CLIP1: variants seen among roughly 807,000 people sequenced by gnomAD.
The protein encoded by CLIP1 is CAP-Gly domain-containing linker protein 1.
CLIP1 carries 66 observed loss-of-function variants against 161.6 expected under a neutral mutation model. The ratio of observed to expected loss-of-function variants is 0.41; its 90% CI spans 0.33 to 0.50. CLIP1 has a LOEUF of 0.50. Ranked by LOEUF, CLIP1 falls within the 20% of genes least tolerant of loss-of-function variation. The pLI is 0.27. For synonymous variants in CLIP1, 598 were observed against 626.2 expected (o/e 0.96, Z 0.67); for missense variants, 1,376 against 1,702.0 (o/e 0.81, Z 3.37).
intron 1 of CLIP1, chr12:122,399,967 G>A (rs1189991040): frequency 6.6e-6 from 1 of 152,186 alleles, no homozygotes; most frequent in African/African-American, 2.4e-5. Context: ...CAAAGGCTAT[G>A]TTCTCATATC....
At chr12:122,408,224 C>T (rs1444073786) in intron 1 of CLIP1, among the ~76,000 whole-genome samples, 3 of 142,678 alleles carry the variant, frequency 2.1e-5, no homozygotes, top group Admixed American at 7.0e-5. Context: ...AATGATACTC[C>T]GTCTCAAAAA....
At chr12:122,326,697 G>C (rs901503153) in intron 17 of CLIP1, among the ~76,000 whole-genome samples, 1 of 152,092 alleles carries the variant, frequency 6.6e-6, no homozygotes. Flanking sequence ...AACAACAACC[G>C]AGGAGACCTT....
chr12:122,417,510 CTTTTTT>C (rs35179677), intron 1 of CLIP1, among the ~76,000 whole-genome samples: 3 of 104,800 alleles, frequency 2.9e-5, no homozygotes, highest in Admixed American at 1.1e-4. Flanking sequence ...ATTATTCTGC[CTTTTTT>C]TTTTTTTTTT....
chr12:122,373,013 T>C (rs1954531067), intron 3 of CLIP1, among the ~76,000 whole-genome samples: 1 of 152,164 alleles, frequency 6.6e-6, no homozygotes, highest in Non-Finnish European at 1.5e-5. Context: ...GTGCAGCGTA[T>C]ACTGCTCGGA....
chr12:122,274,541 G>GTT (rs140034285), intron 24 of CLIP1: 62 of 144,830 alleles, frequency 4.3e-4, no homozygotes, highest in South Asian at 6.3e-4. Context: ...GTTTTGTTTT[G>GTT]TTTTTTTTTT....
rs1189771136 is a variant in CLIP1 at position 122,340,783 on chromosome 12, T to G, written c.2421A>C (p.Leu807Phe). Residue 807 changes from leucine (L) to phenylalanine (F), a missense_variant, in exon 11 of 26, where the codon TTA becomes TTC. Leu to Phe is a conservative substitution (Grantham distance 22, BLOSUM62 0). Around this residue, in one of 6 missense-constraint regions of CLIP1, gnomAD observed 948 missense variants for 1,134.8 expected, o/e 0.84. Coordinates refer to ENST00000620786, the MANE Select transcript of CLIP1 (RefSeq NM_001247997.2). ...LEAAEKQIKH[L>F]EIEKNAESSK... ...TACTTTCAGCATTCTTTTCAATCTC[T>G]AAATGTTTAATCTGTTTCTCAGCTG... 15 of 1,598,004 alleles carry G rather than the reference T, an allele frequency of 9.4e-6. No individual in the cohort carries two copies. The highest frequency in any genetic ancestry group is 1.3e-5 in the Non-Finnish European group (15 of 1,173,054).
chr12:122,363,543 C>T lies in CLIP1; in HGVS notation c.782+440G>A, dbSNP rs367994190. On this transcript the variant is annotated intron_variant, in intron 4 of 25. Coordinates refer to ENST00000620786, the MANE Select transcript of CLIP1 (RefSeq NM_001247997.2). ...GGTTATCCTTACGATGGAAGAGGTC[C>T]GCTTGGCGGTCTGTTCTCCTGCCGC... Among the ~76,000 whole-genome samples, 33 of 151,854 alleles carry T rather than the reference C, an allele frequency of 2.2e-4. 1 individual carries two copies. In the East Asian group the frequency reaches 2.7e-3, roughly 12 times the overall value.
chr12:122,273,047 C>T lies in CLIP1; in HGVS notation c.4145G>A (p.Cys1382Tyr). The T allele has an allele frequency of 6.2e-7, 1 of 1,614,172 alleles. No individual in the cohort carries two copies. Among genetic ancestry groups the T allele is most frequent in the Non-Finnish European group, 8.5e-7 (1 of 1,180,034 alleles). ...KKKPRLFCDI[C>Y]DCFDLHDTED... ...TGTGTCGTGGAGATCAAAGCAGTCACAAATGTCACAGAAGAGGCGAGGTTT... is the reference window on the plus strand; with the variant it reads ...TGTGTCGTGGAGATCAAAGCAGTCATAAATGTCACAGAAGAGGCGAGGTTT... Residue 1382 changes from cysteine to tyrosine, a missense_variant, in exon 26 of 26, where the codon TGT (cysteine) becomes TAT (tyrosine). By Grantham distance (194) the Cys-to-Tyr change is radical. Transcript: ENST00000620786.
chr12:122,421,342 C>T (rs916017611), intron 1 of CLIP1, among the ~76,000 whole-genome samples: 1 of 151,972 alleles, frequency 6.6e-6, no homozygotes, highest in Non-Finnish European at 1.5e-5. Context: ...ATCTAAAAGT[C>T]AAACAAACAC....
At chr12:122,372,726 A>T (rs1954517994) in intron 3 of CLIP1, among the ~76,000 whole-genome samples, 1 of 152,216 alleles carries the variant, frequency 6.6e-6, no homozygotes, top group Non-Finnish European at 1.5e-5. Flanking sequence ...GGGGCTTTTA[A>T]CTAAATGTGA....
Position 122,279,210 on chromosome 12 carries a change from C to G in CLIP1, c.3648-65G>C, listed in dbSNP as rs36024001. On this transcript the variant is annotated intron_variant, in intron 21 of 25. Coordinates refer to ENST00000620786, the MANE Select transcript of CLIP1 (RefSeq NM_001247997.2). The surrounding 1 kb of genome is among the most constrained non-coding windows in gnomAD (Gnocchi z 4.5). ...AAAGACTGGTCAGTGTACAACTGTT[C>G]TAGAACAAACACATAATTAATGTTA... 2.0e-6 allele frequency: 2 copies of G among 990,256 alleles called. No individual in the cohort carries two copies. The highest frequency in any genetic ancestry group is 1.7e-5 in the South Asian group (1 of 58,894). The allele number at this position is 990,256 out of a possible 1,614,324, so 61.3% of individuals were successfully genotyped here.
At position 122,336,257 on chromosome 12, in the gene CLIP1, AT is replaced by A. The variant is rs561079135; in HGVS notation, c.2568+374del. Among the ~76,000 whole-genome samples the A allele has an allele frequency of 3.9e-5, 6 of 152,114 alleles. No homozygotes were observed. In the East Asian group the frequency reaches 1.2e-3, roughly 29 times the overall value. ...GCCCAGTACAGCTACTGCCCTGATA[AT>A]CACAGTTTAGGGGCCTCATTCAATA... On this transcript the variant is annotated intron_variant, in intron 12 of 25. Coordinates refer to ENST00000620786, the MANE Select transcript of CLIP1 (RefSeq NM_001247997.2).
chr12:122,358,172 G>A (rs1325930300), intron 5 of CLIP1, among the ~76,000 whole-genome samples: 1 of 151,666 alleles, frequency 6.6e-6, no homozygotes, highest in Non-Finnish European at 1.5e-5. Context: ...CATGTGCTGT[G>A]TCCACTCAGG....
intron 21 of CLIP1, chr12:122,280,675 C>G (rs1043188483): frequency 2.0e-5 from 3 of 152,178 alleles, no homozygotes; most frequent in Admixed American, 6.6e-5. Flanking sequence ...TCTGTGAGAA[C>G]TGGATGCACT....
At chr12:122,303,971 G>A (rs1016089792) in intron 20 of CLIP1, among the ~76,000 whole-genome samples, 6 of 152,294 alleles carry the variant, frequency 3.9e-5, no homozygotes, top group Non-Finnish European at 5.9e-5. Flanking sequence ...GGCCAGCTCC[G>A]TGCAGACGTT....
At chr12:122,330,079 C>T (rs912439690) in intron 15 of CLIP1, among the ~76,000 whole-genome samples, 3 of 151,544 alleles carry the variant, frequency 2.0e-5, no homozygotes, top group Admixed American at 2.0e-4. Context: ...ATCACACCAT[C>T]GCACTCCAGC....
chr12:122,394,195 A>G (rs528190710), intron 1 of CLIP1, among the ~76,000 whole-genome samples: 9 of 152,122 alleles, frequency 5.9e-5, no homozygotes, highest in Non-Finnish European at 8.8e-5. Flanking sequence ...TACTTAAATA[A>G]AAGATGAAAA....
rs368190285 is a variant in CLIP1, at chr12:122,276,409, T to C, written c.3966+1745A>G. 1.2e-3 allele frequency: 1,137 copies of C among 971,130 alleles called. 10 individuals carry two copies. In the African/African-American group the frequency reaches 0.045, roughly 38 times the overall value. 60.2% of individuals were successfully genotyped at this position (971,130 alleles called of 1,614,324 possible). A position where few individuals can be genotyped will look rare whatever the true frequency, so the allele number is the denominator to read the frequency against. On this transcript the variant is annotated intron_variant, in intron 24 of 25. Transcript: ENST00000620786. ...ACACACACACACACACACACACGTG[T>C]GCACGCAAATTAGGAAACATGAAAC...
chr12:122,336,741 C>T lies in CLIP1; in HGVS notation c.2459G>A (p.Ser820Asn). The T allele has an allele frequency of 6.4e-7, 1 of 1,556,966 alleles. No individual in the cohort carries two copies. The highest frequency in any genetic ancestry group is 1.1e-5 in the South Asian group (1 of 89,182). ...EKNAESSKAS[S>N]ITRELQGREL... ...TCTCCCCTGGAGCTCTCTGGTAATG[C>T]TACTAGCCTAACACACAGTGTTACA... Residue 820 changes from serine to asparagine, a missense_variant, in exon 12 of 26, where the codon AGC becomes AAC. By Grantham distance (46) the Ser-to-Asn change is conservative. This residue lies in a region of CLIP1 where 948 missense variants were observed against 1,134.8 expected (regional missense o/e 0.84). Coordinates refer to ENST00000620786, the MANE Select transcript of CLIP1 (RefSeq NM_001247997.2).
Sources: allele counts gnomAD v4.1 joint callset (sites outside exome capture counted in the v4.1 genomes callset), GRCh38; gene constraint gnomAD v4.1.1; regional missense constraint gnomAD v4.1.1; non-coding constraint Gnocchi (gnomAD v3.1); transcripts MANE v1.5; gene names NCBI Gene and HGNC (gene_info 2026-07-23, HGNC 2026-07-21).